The following KLHL18 variants were observed in gnomAD, a reference collection of about 807,000 sequenced individuals.
KLHL18 encodes the protein kelch-like protein 18.
A neutral mutation model predicts 58.5 loss-of-function variants in KLHL18; 38 were observed. That is an observed-to-expected ratio of 0.65 (90% CI 0.50 to 0.85). KLHL18 has a LOEUF of 0.85. KLHL18 is among the 40% of genes least tolerant of loss of function. The pLI is 0.00. For synonymous variants in KLHL18, 303 were observed against 301.9 expected (o/e 1.00, Z -0.04); for missense variants, 624 against 778.4 (o/e 0.80, Z 2.36).
intron 1 of KLHL18, among the ~76,000 whole-genome samples, chr3:47,305,003 T>C (rs2107601966): frequency 6.7e-6 from 1 of 149,960 alleles, no homozygotes; most frequent in South Asian, 2.1e-4. Flanking sequence ...TTAACTTGGG[T>C]GACAGAGGGA....
Position 47,319,800 on chromosome 3 carries a change from T to C in KLHL18, c.260+17T>C. 1 of 1,611,590 alleles carries C rather than the reference T, an allele frequency of 6.2e-7. No homozygotes were observed. Reference sequence around the variant, plus strand: ...GGACCCAAGGTACTGAATCCCACCATTAGGTTTCGCAGGCTGCTTTCCAAG... The same window carrying C: ...GGACCCAAGGTACTGAATCCCACCACTAGGTTTCGCAGGCTGCTTTCCAAG... On this transcript the variant is annotated intron_variant, in intron 2 of 9. Coordinates refer to ENST00000232766, the MANE Select transcript of KLHL18 (RefSeq NM_025010.5).
In KLHL18 at chr3:47,316,128, G is replaced by A. The variant is rs895756106; in HGVS notation, c.130-3525G>A. Among the ~76,000 whole-genome samples the A allele has an allele frequency of 5.3e-5, 8 of 152,186 alleles. No individual in the cohort carries two copies. In the South Asian group the frequency reaches 1.7e-3, roughly 32 times the overall value. ...ACAATAGGAGGGAGGAAATTATCAA[G>A]GATTAAATGGTGTAAAGAGATTTTT... is the stretch of plus-strand genomic sequence containing the variant. On this transcript the variant is annotated intron_variant, in intron 1 of 9. Transcript: ENST00000232766.
chr3:47,318,861 CAA>C (rs1022290088), intron 1 of KLHL18, among the ~76,000 whole-genome samples: 3 of 152,134 alleles, frequency 2.0e-5, no homozygotes, highest in Non-Finnish European at 2.9e-5. Flanking sequence ...AAATATGACA[CAA>C]AGAGATGACC....
rs552173930 is a variant in KLHL18 at position 47,341,639 on chromosome 3, G to A, written c.1226+963G>A. On this transcript the variant is annotated intron_variant, in intron 8 of 9. Transcript: ENST00000232766. ...AGGCTGCAATAAGAAAGTGTTCACT[G>A]TAATCGAGAACAGCAATGATCCTCT... is the stretch of plus-strand genomic sequence containing the variant. Among the ~76,000 whole-genome samples, 96 of 152,318 alleles carry A rather than the reference G, an allele frequency of 6.3e-4. 1 individual carries two copies. The highest frequency in any genetic ancestry group is 2.3e-3 in the African/African-American group (94 of 41,556).
intron 2 of KLHL18, 55 bp from the exon 3 acceptor site, chr3:47,322,513 C>T (rs903628185): frequency 6.0e-6 from 9 of 1,503,590 alleles, no homozygotes; most frequent in Admixed American, 4.3e-5. Context: ...CTGAGTCTCC[C>T]GTGGGCCAAG....
intron 1 of KLHL18, among the ~76,000 whole-genome samples, chr3:47,317,866 A>G (rs970833484): frequency 1.3e-5 from 2 of 152,146 alleles, no homozygotes; most frequent in East Asian, 1.9e-4. Context: ...CCGCATAACA[A>G]ACTACCCCAA....
At chr3:47,315,525 G>A (rs1324601743) in intron 1 of KLHL18, among the ~76,000 whole-genome samples, 1 of 152,124 alleles carries the variant, frequency 6.6e-6, no homozygotes, top group East Asian at 1.9e-4. Context: ...TCTGTAGGCC[G>A]ACAGATATTT....
At chr3:47,343,448 C>T in intron 9 of KLHL18, 107 bp from the exon 10 acceptor site, 1 of 1,332,136 alleles carries the variant, frequency 7.5e-7, no homozygotes, top group Non-Finnish European at 1.0e-6. Flanking sequence ...CCCATACCTC[C>T]CACAGGAGTT....
At chr3:47,325,421 T>C (rs1703693406) in intron 3 of KLHL18, among the ~76,000 whole-genome samples, 1 of 152,072 alleles carries the variant, frequency 6.6e-6, no homozygotes, top group Non-Finnish European at 1.5e-5. Flanking sequence ...ATGGTCTCGA[T>C]CTCCTGACCT....
chr3:47,287,785 A>G (rs1251232284), intron 1 of KLHL18, among the ~76,000 whole-genome samples: 2 of 152,140 alleles, frequency 1.3e-5, no homozygotes, highest in East Asian at 3.9e-4. Flanking sequence ...ACGCCCGGCC[A>G]GTAGTATATA....
intron 1 of KLHL18, among the ~76,000 whole-genome samples, chr3:47,289,995 A>G (rs1702757680): frequency 6.6e-6 from 1 of 152,144 alleles, no homozygotes; most frequent in Non-Finnish European, 1.5e-5. Context: ...CTGCCCTTGT[A>G]CCCCTAAATT....
At chr3:47,315,083 ATAG>A (rs1303848496) in intron 1 of KLHL18, among the ~76,000 whole-genome samples, 2 of 152,304 alleles carry the variant, frequency 1.3e-5, no homozygotes, top group Non-Finnish European at 2.9e-5. Flanking sequence ...CCCCATTAAA[ATAG>A]TAGTAAGAGG....
In KLHL18 at chr3:47,333,162, T is replaced by C. The variant is rs148652470; in HGVS notation, c.606T>C (p.Phe202=). ...AACATCCACTCTCATGACAGGTCTT[T>C]GAAGCTGCATTGGCCTGGGTCAGAT... ...ELNVKSEEQV[F]EAALAWVRYD... is the part of the protein sequence containing the mutation. The change falls in exon 5 of 10, where the codon TTT becomes TTC. Residue 202 remains phenylalanine, a synonymous_variant. Coordinates refer to ENST00000232766, the MANE Select transcript of KLHL18 (RefSeq NM_025010.5). 1.2e-6 allele frequency: 2 copies of C among 1,612,876 alleles called. No homozygotes were observed. The highest frequency in any genetic ancestry group is 1.3e-5 in the African/African-American group (1 of 74,832).
At chr3:47,295,827 A>T (rs1357335465) in intron 1 of KLHL18, among the ~76,000 whole-genome samples, 1 of 151,756 alleles carries the variant, frequency 6.6e-6, no homozygotes, top group Non-Finnish European at 1.5e-5. Flanking sequence ...CAATCCTCCC[A>T]CCTCGGCCTC....
Position 47,334,811 on chromosome 3 carries a change from A to G in KLHL18, c.890A>G (p.Asn297Ser). The G allele has an allele frequency of 2.5e-6, 4 of 1,612,844 alleles. No individual in the cohort carries two copies. Among genetic ancestry groups the G allele is most frequent in the Non-Finnish European group, 3.4e-6 (4 of 1,179,412 alleles). The change falls in exon 6 of 10, where the codon AAC (asparagine) becomes AGC (serine). Residue 297 changes from asparagine (N) to serine (S), a missense_variant. Physicochemically the swap from Asn to Ser is conservative, Grantham distance 46. Transcript: ENST00000232766. The surrounding 1 kb of genome is among the most constrained non-coding windows in gnomAD (Gnocchi z 4.7). ...CTTATCTACGCTGTAGGGGGCCTCAACTCAGCAGGTACCTTGCGGCTCCCC... is the reference window on the plus strand; with the variant it reads ...CTTATCTACGCTGTAGGGGGCCTCAGCTCAGCAGGTACCTTGCGGCTCCCC... ...AGLIYAVGGLNSAGDSLNVVE... is the reference protein window; with the variant it reads ...AGLIYAVGGLSSAGDSLNVVE...
chr3:47,330,572 G>A (rs1230750044), intron 4 of KLHL18, among the ~76,000 whole-genome samples: 2 of 152,058 alleles, frequency 1.3e-5, no homozygotes, highest in African/African-American at 4.8e-5. Context: ...GATTATAGGC[G>A]TGAGCCACCG....
chr3:47,288,592 A>G (rs1309651032), intron 1 of KLHL18, among the ~76,000 whole-genome samples: 1 of 152,228 alleles, frequency 6.6e-6, no homozygotes, highest in African/African-American at 2.4e-5. Flanking sequence ...TTAACTGCCA[A>G]CACTTGAACC....
intron 1 of KLHL18, among the ~76,000 whole-genome samples, chr3:47,292,835 A>C (rs1042955035): frequency 1.1e-4 from 17 of 150,024 alleles, no homozygotes; most frequent in Admixed American, 6.7e-4. Flanking sequence ...GAGCCCCGGG[A>C]GGTCAAGGCT....
At chr3:47,322,516 G>T in intron 2 of KLHL18, 52 bp from the exon 3 acceptor site, 2 of 1,509,462 alleles carry the variant, frequency 1.3e-6, no homozygotes, top group South Asian at 1.3e-5. Context: ...AGTCTCCCGT[G>T]GGCCAAGACT....
Sources: allele counts gnomAD v4.1 joint callset (sites outside exome capture counted in the v4.1 genomes callset), GRCh38; gene constraint gnomAD v4.1.1; non-coding constraint Gnocchi (gnomAD v3.1); transcripts MANE v1.5; gene names NCBI Gene and HGNC (gene_info 2026-07-23, HGNC 2026-07-21).